CACNA1I: variants seen among roughly 807,000 people sequenced by gnomAD.
CACNA1I encodes calcium voltage-gated channel subunit alpha1 I.
In CACNA1I, 74 loss-of-function variants were observed where a neutral mutation model predicts 201.6. The ratio of observed to expected loss-of-function variants is 0.37; its 90% confidence interval spans 0.30 to 0.45. The LOEUF is 0.45. Among genes scored for constraint, CACNA1I ranks in the 20% least tolerant of loss-of-function variants. CACNA1I has a pLI of 1.00. For synonymous variants in CACNA1I, 1,431 were observed against 1,345.2 expected (o/e 1.06, Z -1.40); for missense variants, 2,346 against 3,138.1 (o/e 0.75, Z 6.03).
At chr22:39,584,105 G>A (rs1469972940) in intron 1 of CACNA1I, among the ~76,000 whole-genome samples, 1 of 152,242 alleles carries the variant, frequency 6.6e-6, no homozygotes, top group South Asian at 2.1e-4. Context: ...TGCCATGGAG[G>A]TGGGGGATGT....
In CACNA1I at chr22:39,677,577, G is replaced by A. The variant is rs368876517; in HGVS notation, c.4933+158G>A. On this transcript the variant is annotated intron_variant, in intron 30 of 36. Transcript: ENST00000402142. This position sits in a 1 kb window ranked among gnomAD's most constrained non-coding sequence, Gnocchi z 4.8. Reference sequence around the variant, plus strand: ...GGGCCCTCAGCTGTCTGGTCTCCCAGGAAAACTGCCCTCCCTACCCCGGTG... The same window carrying A: ...GGGCCCTCAGCTGTCTGGTCTCCCAAGAAAACTGCCCTCCCTACCCCGGTG... Among the ~76,000 whole-genome samples, 8 of 152,272 alleles carry A rather than the reference G, an allele frequency of 5.3e-5. No homozygotes were observed. In the South Asian group the frequency reaches 8.3e-4, roughly 16 times the overall value.
intron 1 of CACNA1I, among the ~76,000 whole-genome samples, chr22:39,580,695 A>G (rs1655648909): frequency 6.6e-6 from 1 of 152,056 alleles, no homozygotes; most frequent in African/African-American, 2.4e-5. Flanking sequence ...TAGAGCTTAC[A>G]CTTGGTCTTG....
intron 20 of CACNA1I, 123 bp from the exon 21 acceptor site, chr22:39,664,616 A>AAC: frequency 2.4e-6 from 1 of 414,874 alleles, no homozygotes; most frequent in South Asian, 2.0e-5. Context: ...CACTTGCAGG[A>AAC]CCCCGCCCCC....
chr22:39,575,121 G>A (rs1013239317), intron 1 of CACNA1I, among the ~76,000 whole-genome samples: 1 of 152,270 alleles, frequency 6.6e-6, no homozygotes, highest in African/African-American at 2.4e-5. Context: ...GTCAGCTGCA[G>A]ATGCAGCTGC....
rs1469156657 is a variant in CACNA1I, at chr22:39,676,157, A to T, written c.4855-1184A>T. Among the ~76,000 whole-genome samples, 3 of 152,198 alleles carry T rather than the reference A, an allele frequency of 2.0e-5. No homozygotes were observed. The highest frequency in any genetic ancestry group is 4.4e-5 in the Non-Finnish European group (3 of 68,038). On this transcript the variant is annotated intron_variant, in intron 29 of 36. Transcript: ENST00000402142. The surrounding 1 kb of genome is among the most constrained non-coding windows in gnomAD (Gnocchi z 4.8). ...GGGGACAGATAGAAAAGCTGACGGC[A>T]ATCCTGGTTAAGAGATGCTGCCCCC...
intron 28 of CACNA1I, among the ~76,000 whole-genome samples, chr22:39,673,601 A>G (rs942289329): frequency 6.6e-6 from 1 of 152,202 alleles, no homozygotes; most frequent in South Asian, 2.1e-4. Flanking sequence ...GTGATGCCAG[A>G]GTCCTCTTTA....
intron 24 of CACNA1I, among the ~76,000 whole-genome samples, chr22:39,669,791 A>C (rs1160786766): frequency 6.6e-6 from 1 of 152,180 alleles, no homozygotes. Context: ...GAGAGGAAGA[A>C]GACAGATGTT....
chr22:39,675,122 G>A (rs1193553862), intron 29 of CACNA1I, among the ~76,000 whole-genome samples: 2 of 152,272 alleles, frequency 1.3e-5, no homozygotes, highest in Non-Finnish European at 2.9e-5. Flanking sequence ...GGGCCATAAT[G>A]CTTGAGAGCA....
At chr22:39,625,232 C>A (rs746383624) in intron 4 of CACNA1I, among the ~76,000 whole-genome samples, 1 of 152,120 alleles carries the variant, frequency 6.6e-6, no homozygotes, top group African/African-American at 2.4e-5. Context: ...AACAGTAGCC[C>A]GTAGCTTTTA....
chr22:39,574,102 G>C (rs73422185), intron 1 of CACNA1I, among the ~76,000 whole-genome samples: 6,963 of 152,266 alleles, frequency 0.046, 525 homozygotes, highest in African/African-American at 0.16. Context: ...CAACTTTAAA[G>C]GTGTCAGCTC....
intron 1 of CACNA1I, among the ~76,000 whole-genome samples, chr22:39,594,739 G>C (rs1374256791): frequency 2.0e-5 from 3 of 152,098 alleles, no homozygotes; most frequent in Non-Finnish European, 4.4e-5. Context: ...CAAGGGCTTT[G>C]AAATGGAGGG....
At chr22:39,660,513 T>C (rs1351541028) in intron 15 of CACNA1I, 76 bp downstream of exon 15, 2 of 964,974 alleles carry the variant, frequency 2.1e-6, no homozygotes, top group Non-Finnish European at 3.1e-6. Flanking sequence ...GGGTACAGCG[T>C]CTGACTCCAC....
intron 3 of CACNA1I, among the ~76,000 whole-genome samples, chr22:39,616,271 C>T (rs2146388438): frequency 6.6e-6 from 1 of 152,278 alleles, no homozygotes; most frequent in Admixed American, 6.5e-5. Flanking sequence ...TTGCCCAAGT[C>T]TGTAGCCGAG....
At chr22:39,598,112 C>G in intron 1 of CACNA1I, 39 bp from the exon 2 acceptor site, 1 of 1,324,148 alleles carries the variant, frequency 7.6e-7, no homozygotes, top group Non-Finnish European at 1.1e-6. Flanking sequence ...CCCCCACGGG[C>G]GATCCCACCT....
chr22:39,611,742 C>A (rs531338897), intron 3 of CACNA1I, among the ~76,000 whole-genome samples: 1 of 152,238 alleles, frequency 6.6e-6, no homozygotes, highest in South Asian at 2.1e-4. Context: ...GTAAAGTAAC[C>A]CAAATGGAGG....
At chr22:39,669,088 G>C (rs949631661) in intron 24 of CACNA1I, among the ~76,000 whole-genome samples, 4 of 152,166 alleles carry the variant, frequency 2.6e-5, no homozygotes, top group Non-Finnish European at 4.4e-5. Context: ...GGCAAGACGT[G>C]TGGCTGACCA....
In CACNA1I at chr22:39,685,704, AG is replaced by A; in HGVS notation, c.6028-55del. 1 of 1,346,672 alleles carries A rather than the reference AG, an allele frequency of 7.4e-7. No homozygotes were observed. Among genetic ancestry groups the A allele is most frequent in the South Asian group, 1.6e-5 (1 of 61,994 alleles). 83.4% of individuals were successfully genotyped at this position (1,346,672 alleles called of 1,614,324 possible). On this transcript the variant is annotated intron_variant, in intron 36 of 36. Transcript: ENST00000402142. The surrounding 1 kb of genome is among the most constrained non-coding windows in gnomAD (Gnocchi z 5.0). ...TGCTGTGCGGGGGAGGGCGGCGTCCAGGTTGCTGGGGTGGGGGCCGACACAG... is the reference window on the plus strand; with the variant it reads ...TGCTGTGCGGGGGAGGGCGGCGTCCAGTTGCTGGGGTGGGGGCCGACACAG...
At chr22:39,641,781 G>A (rs1934357433) in intron 6 of CACNA1I, among the ~76,000 whole-genome samples, 1 of 152,262 alleles carries the variant, frequency 6.6e-6, no homozygotes, top group Admixed American at 6.5e-5. Context: ...ATACTCTGCA[G>A]AGGATGGGCT....
At chr22:39,607,158 C>T (rs1302357151) in intron 3 of CACNA1I, among the ~76,000 whole-genome samples, 1 of 152,176 alleles carries the variant, frequency 6.6e-6, no homozygotes, top group Admixed American at 6.6e-5. Flanking sequence ...CTGATGTGGG[C>T]CCTGTCTTGG....
Sources: allele counts gnomAD v4.1 joint callset (sites outside exome capture counted in the v4.1 genomes callset), GRCh38; gene constraint gnomAD v4.1.1; non-coding constraint Gnocchi (gnomAD v3.1); transcripts MANE v1.5; gene names NCBI Gene and HGNC (gene_info 2026-07-23, HGNC 2026-07-21).